The following GRIA4 variants were observed in gnomAD, a reference collection of about 807,000 sequenced individuals.
The protein encoded by GRIA4 is glutamate receptor 4.
GRIA4 carries 34 observed loss-of-function variants against 104.0 expected under a neutral mutation model. The ratio of observed to expected loss-of-function variants is 0.33; its 90% CI spans 0.25 to 0.44. GRIA4 has a LOEUF of 0.44. Among genes scored for constraint, GRIA4 ranks in the 20% least tolerant of loss-of-function variants. The pLI, the probability that GRIA4 is intolerant of heterozygous loss-of-function variation, is 1.00. For missense variants in GRIA4, 750 were observed against 1,096.5 expected, an observed-to-expected ratio of 0.68 and a Z score of 4.46; for synonymous variants, 386 against 381.9, an observed-to-expected ratio of 1.01 and a Z score of -0.13.
intron 5 of GRIA4, among the ~76,000 whole-genome samples, chr11:105,865,673 A>G (rs945626842): frequency 6.6e-6 from 1 of 152,172 alleles, no homozygotes; most frequent in African/African-American, 2.4e-5. Flanking sequence ...ACATGTATCT[A>G]TTAATTTTAA....
chr11:105,713,254 C>T (rs755903277), intron 3 of GRIA4, among the ~76,000 whole-genome samples: 32 of 151,766 alleles, frequency 2.1e-4, no homozygotes, highest in Non-Finnish European at 4.3e-4. Flanking sequence ...GTCGTGGTGC[C>T]TGCTTTTAAT....
chr11:105,875,374 T>C (rs993124777), intron 5 of GRIA4, among the ~76,000 whole-genome samples: 10 of 152,198 alleles, frequency 6.6e-5, no homozygotes, highest in Admixed American at 6.5e-4. Flanking sequence ...CCTGAAATTT[T>C]CTTTTTTTGT....
At chr11:105,654,171 G>A (rs1951773522) in intron 3 of GRIA4, among the ~76,000 whole-genome samples, 1 of 151,984 alleles carries the variant, frequency 6.6e-6, no homozygotes, top group East Asian at 1.9e-4. Context: ...GTAAGGTAAT[G>A]GTTAGCAGAG....
At chr11:105,689,372 T>C (rs1450665721) in intron 3 of GRIA4, among the ~76,000 whole-genome samples, 2 of 152,192 alleles carry the variant, frequency 1.3e-5, no homozygotes, top group Non-Finnish European at 2.9e-5. Context: ...CTTTGTGCCT[T>C]AGTGAAATGC....
chr11:105,727,633 C>A (rs1938300914), intron 3 of GRIA4, among the ~76,000 whole-genome samples: 1 of 152,108 alleles, frequency 6.6e-6, no homozygotes, highest in Non-Finnish European at 1.5e-5. Flanking sequence ...AGAGATAAAG[C>A]AGGTCGCCCA....
intron 4 of GRIA4, among the ~76,000 whole-genome samples, chr11:105,795,127 A>G (rs1259394163): frequency 6.6e-6 from 1 of 152,140 alleles, no homozygotes; most frequent in Admixed American, 6.6e-5. Context: ...GCGCTGCATA[A>G]CTGGTTACTT....
At chr11:105,752,619 A>G (rs1331217498) in intron 3 of GRIA4, among the ~76,000 whole-genome samples, 1 of 152,068 alleles carries the variant, frequency 6.6e-6, no homozygotes, top group African/African-American at 2.4e-5. Flanking sequence ...GTAGAAAAAA[A>G]TACAGAAAAT....
intron 4 of GRIA4, among the ~76,000 whole-genome samples, chr11:105,786,936 A>T (rs2135790425): frequency 6.6e-6 from 1 of 152,330 alleles, no homozygotes; most frequent in Admixed American, 6.5e-5. Context: ...GAAAGCTATC[A>T]GAGCCAACAC....
intron 3 of GRIA4, among the ~76,000 whole-genome samples, chr11:105,743,480 AAATG>A (rs1262576322): frequency 6.6e-6 from 1 of 152,200 alleles, no homozygotes. Flanking sequence ...ATTATTTTTG[AAATG>A]AATTGTTTTC....
chr11:105,703,406 T>C (rs1477807983), intron 3 of GRIA4, among the ~76,000 whole-genome samples: 1 of 152,114 alleles, frequency 6.6e-6, no homozygotes, highest in Non-Finnish European at 1.5e-5. Context: ...AAATGTTAAA[T>C]AGGTTGGAGA....
intron 3 of GRIA4, among the ~76,000 whole-genome samples, chr11:105,691,741 C>T (rs1401661347): frequency 6.6e-6 from 1 of 151,850 alleles, no homozygotes. Context: ...TCGAGATCAT[C>T]CTGGCCAACA....
At chr11:105,887,236 T>C (rs1591398247) in intron 5 of GRIA4, among the ~76,000 whole-genome samples, 1 of 152,212 alleles carries the variant, frequency 6.6e-6, no homozygotes, top group South Asian at 2.1e-4. Context: ...GAAATATATG[T>C]AAATGTTGGT....
At chr11:105,776,284 CA>C (rs984486074) in intron 4 of GRIA4, among the ~76,000 whole-genome samples, 18 of 151,634 alleles carry the variant, frequency 1.2e-4, no homozygotes, top group South Asian at 4.2e-4. Flanking sequence ...TTTATGGCAG[CA>C]AAAAAATACT....
At chr11:105,948,382 T>C (rs1268991996) in intron 14 of GRIA4, among the ~76,000 whole-genome samples, 1 of 152,098 alleles carries the variant, frequency 6.6e-6, no homozygotes, top group Non-Finnish European at 1.5e-5. Context: ...ATAGTCTTTG[T>C]ATGTGAAGTT....
chr11:105,734,730 G>C (rs1938824683), intron 3 of GRIA4, among the ~76,000 whole-genome samples: 1 of 152,150 alleles, frequency 6.6e-6, no homozygotes, highest in Admixed American at 6.6e-5. Context: ...ATTTATGTCT[G>C]AGATAGTGTT....
chr11:105,932,619 A>G (rs1947915427), intron 13 of GRIA4, among the ~76,000 whole-genome samples: 1 of 152,210 alleles, frequency 6.6e-6, no homozygotes, highest in Non-Finnish European at 1.5e-5. Context: ...AGTAGACAGA[A>G]GTAATTTACA....
At chr11:105,839,656 C>T (rs535479043) in intron 4 of GRIA4, among the ~76,000 whole-genome samples, 12 of 151,474 alleles carry the variant, frequency 7.9e-5, no homozygotes, top group African/African-American at 1.9e-4. Context: ...TGCAGTGAGC[C>T]GAGATTGCGC....
intron 3 of GRIA4, among the ~76,000 whole-genome samples, chr11:105,655,203 A>G (rs1325707503): frequency 6.6e-6 from 1 of 152,120 alleles, no homozygotes; most frequent in Non-Finnish European, 1.5e-5. Context: ...TATACACATG[A>G]TTATTAGTGT....
chr11:105,714,011 G>C (rs773415303), intron 3 of GRIA4, among the ~76,000 whole-genome samples: 1 of 152,048 alleles, frequency 6.6e-6, no homozygotes, highest in Non-Finnish European at 1.5e-5. Flanking sequence ...ACTTAGAGAC[G>C]CTTTGAGGCA....
Sources: gnomAD v4.1 joint callset for allele counts (sites outside exome capture counted in the v4.1 genomes callset) on GRCh38, gnomAD v4.1.1 for gene constraint, MANE v1.5 for transcripts, NCBI Gene and HGNC (gene_info 2026-07-23, HGNC 2026-07-21) for gene names.